Variants in FRMPD4 observed in about 807,000 individuals in gnomAD.
The protein encoded by FRMPD4 is FERM and PDZ domain containing 4, also known as FERM and PDZ domain-containing protein 4.
A neutral mutation model predicts 94.1 loss-of-function variants in FRMPD4; 22 were observed. The ratio of observed to expected loss-of-function variants is 0.23; its 90% CI spans 0.17 to 0.33. The LOEUF is 0.33. Ranked by LOEUF, FRMPD4 falls within the 10% of genes least tolerant of loss-of-function variation. The pLI is 1.00. For missense variants in FRMPD4, 1,111 were observed against 1,339.9 expected (o/e 0.83, Z 2.67); for synonymous variants, 631 against 548.6 (o/e 1.15, Z -2.10).
intron 3 of FRMPD4, among the ~76,000 whole-genome samples, chrX:12,071,158 AAAC>A (rs1268835678): frequency 1.8e-5 from 2 of 110,824 alleles, no homozygotes; most frequent in South Asian, 3.9e-4. Context: ...TTGGGGTGGT[AAAC>A]AGGCTTCCCT....
intron 4 of FRMPD4, among the ~76,000 whole-genome samples, chrX:12,653,344 G>A (rs2148476488): frequency 8.9e-6 from 1 of 112,656 alleles, no homozygotes; most frequent in African/African-American, 3.2e-5. Context: ...GGAAACCATG[G>A]AAGTTCAGAA....
At chrX:12,446,513 C>G (rs1053249935) in intron 1 of FRMPD4, among the ~76,000 whole-genome samples, 3 of 111,873 alleles carry the variant, frequency 2.7e-5, no homozygotes, top group Non-Finnish European at 5.6e-5. Context: ...ATTGTAGCAC[C>G]CATTATTCCC....
intron 3 of FRMPD4, among the ~76,000 whole-genome samples, chrX:11,953,418 T>C (rs1053158076): frequency 1.8e-5 from 2 of 111,696 alleles, no homozygotes; most frequent in African/African-American, 6.5e-5. Flanking sequence ...TTTCTGACAA[T>C]GGAATTTAGG....
intron 3 of FRMPD4, among the ~76,000 whole-genome samples, chrX:11,988,773 C>G (rs1203137110): frequency 9.0e-6 from 1 of 111,643 alleles, no homozygotes; most frequent in Non-Finnish European, 1.9e-5. Context: ...ATCTAATAAT[C>G]CAATTTTAAA....
chrX:11,935,249 G>GTT (rs1218353259), intron 3 of FRMPD4, among the ~76,000 whole-genome samples: 560 of 5,051 alleles, frequency 0.11, 11 homozygotes, highest in Non-Finnish European at 0.13. Flanking sequence ...TTGTTTTGTT[G>GTT]TTTTTTTTTT....
chrX:11,935,267 G>GTTTTTTTTTTTTTTTTT (rs1569129076), intron 3 of FRMPD4, among the ~76,000 whole-genome samples: 1 of 3,236 alleles, frequency 3.1e-4, no homozygotes, highest in African/African-American at 1.6e-3. Flanking sequence ...TTTTTTTAAT[G>GTTTTTTTTTTTTTTTTT]TGTTTTTTTT....
At chrX:11,849,693 T>C (rs79196605) in intron 1 of FRMPD4, among the ~76,000 whole-genome samples, 1 of 108,769 alleles carries the variant, frequency 9.2e-6, no homozygotes, top group South Asian at 3.9e-4. Context: ...TTTTTTTTTT[T>C]CCAACAAGTG....
intron 1 of FRMPD4, among the ~76,000 whole-genome samples, chrX:12,221,830 G>C (rs1366139078): frequency 9.8e-5 from 11 of 111,864 alleles, no homozygotes; most frequent in Non-Finnish European, 1.9e-5. Context: ...TAAAAAGGTA[G>C]AAATGATATA....
intron 3 of FRMPD4, among the ~76,000 whole-genome samples, chrX:11,980,806 T>C (rs185691835): frequency 1.8e-5 from 2 of 112,431 alleles, no homozygotes; most frequent in Admixed American, 1.9e-4. Flanking sequence ...CTTATTTTCA[T>C]TGTGGTTTCT....
chrX:12,445,255 C>T (rs774853841), intron 1 of FRMPD4, among the ~76,000 whole-genome samples: 37 of 112,425 alleles, frequency 3.3e-4, no homozygotes, highest in Non-Finnish European at 4.5e-4. Flanking sequence ...TACAGATTTA[C>T]TGAATCAGAA....
chrX:12,618,397 A>T (rs776308489), intron 4 of FRMPD4, among the ~76,000 whole-genome samples: 56 of 111,504 alleles, frequency 5.0e-4, no homozygotes, highest in African/African-American at 1.7e-3. Flanking sequence ...CCTCAAGGAG[A>T]AGAATTCTAA....
chrX:11,914,884 T>A (rs1244107328), intron 3 of FRMPD4, among the ~76,000 whole-genome samples: 1 of 112,573 alleles, frequency 8.9e-6, no homozygotes, highest in Non-Finnish European at 1.9e-5. Flanking sequence ...TATGCTGCCT[T>A]TGTCACTTAG....
In FRMPD4 at chrX:12,717,489, T is replaced by C; in HGVS notation, c.2675-12T>C. 1 of 1,145,876 alleles carries C rather than the reference T, an allele frequency of 8.7e-7. No homozygotes were observed. The highest frequency in any genetic ancestry group is 1.2e-6 in the Non-Finnish European group (1 of 838,718). 94.4% of individuals were successfully genotyped at this position (1,145,876 alleles called of 1,213,427 possible). ...CATCCATTAATCAGTTCTTGTTTTT[T>C]ACGGCATGCAGGTGTAGCCATCTTG... On this transcript the variant is annotated splice_polypyrimidine_tract_variant and intron_variant, in intron 15 of 16. Coordinates refer to ENST00000675598, the MANE Select transcript of FRMPD4 (RefSeq NM_001368397.1).
chrX:12,328,841 C>T (rs2055327927), intron 1 of FRMPD4, among the ~76,000 whole-genome samples: 1 of 111,635 alleles, frequency 9.0e-6, no homozygotes, highest in African/African-American at 3.3e-5. Flanking sequence ...CGGTATAGGG[C>T]TTATACAGTT....
At chrX:11,970,629 T>A (rs2054335124) in intron 3 of FRMPD4, among the ~76,000 whole-genome samples, 1 of 111,561 alleles carries the variant, frequency 9.0e-6, no homozygotes, top group Non-Finnish European at 1.9e-5. Flanking sequence ...ACAGAGAGAG[T>A]AGATGTTAAA....
chrX:12,473,800 C>T (rs2057552761), intron 1 of FRMPD4, among the ~76,000 whole-genome samples: 1 of 110,122 alleles, frequency 9.1e-6, no homozygotes, highest in South Asian at 3.7e-4. Context: ...TATAGGAGCA[C>T]CCAGATTCAT....
At chrX:12,354,000 C>T (rs749971282) in intron 1 of FRMPD4, among the ~76,000 whole-genome samples, 22 of 111,953 alleles carry the variant, frequency 2.0e-4, no homozygotes, top group Non-Finnish European at 1.7e-4. Context: ...GTTAAAGAAA[C>T]GTGCCAGGAT....
chrX:12,465,259 T>A (rs2057436913), intron 1 of FRMPD4, among the ~76,000 whole-genome samples: 1 of 112,151 alleles, frequency 8.9e-6, no homozygotes, highest in Non-Finnish European at 1.9e-5. Flanking sequence ...CCAGGTTGGA[T>A]AAGGTGCTCA....
At chrX:12,022,651 C>T (rs960617869) in intron 3 of FRMPD4, among the ~76,000 whole-genome samples, 2 of 111,745 alleles carry the variant, frequency 1.8e-5, no homozygotes, top group Non-Finnish European at 3.8e-5. Flanking sequence ...AGGCTCTCCC[C>T]TGTGCTGATG....
Sources: allele counts gnomAD v4.1 joint callset (sites outside exome capture counted in the v4.1 genomes callset), GRCh38; gene constraint gnomAD v4.1.1; transcripts MANE v1.5; gene names NCBI Gene and HGNC (gene_info 2026-07-23, HGNC 2026-07-21).